The following SIGLEC12 variants were observed in gnomAD, a reference collection of about 807,000 sequenced individuals.
SIGLEC12 encodes sialic acid binding Ig like lectin 12, also known as sialic acid-binding Ig-like lectin 12.
SIGLEC12 carries 43 observed loss-of-function variants against 54.1 expected under a neutral mutation model. The ratio of observed to expected loss-of-function variants is 0.80; its 90% CI spans 0.62 to 1.03. The LOEUF is 1.03. Among genes scored for constraint, SIGLEC12 ranks in the 50% least tolerant of loss-of-function variants. The probability of loss-of-function intolerance (pLI) is 0.00; values close to 1 mark genes in which losing one functional copy is unlikely to be tolerated. For synonymous variants in SIGLEC12, 357 were observed against 307.6 expected (o/e 1.16, Z -1.68); for missense variants, 802 against 735.2 (o/e 1.09, Z -1.05).
Position 51,499,463 on chromosome 19 carries a change from G to T in SIGLEC12, c.1062C>A (p.Thr354=). ...AGGATATGTTGAGTCGGACAGCCCT[G>T]GTCATGGTCACGCCGGCCCCAGGCA... The part of the protein sequence containing the change: ...VTLPGAGVTM[T]RAVRLNISYP... The change falls in exon 3 of 8, where the codon ACC becomes ACA. Residue 354 remains threonine (T), a synonymous_variant. Coordinates refer to ENST00000291707, the MANE Select transcript of SIGLEC12 (RefSeq NM_053003.4). The T allele has an allele frequency of 6.3e-7, 1 of 1,598,650 alleles. No individual in the cohort carries two copies. Among genetic ancestry groups the T allele is most frequent in the Admixed American group, 1.8e-5 (1 of 56,700 alleles).
At chr19:51,493,456 G>A (rs1008078513) in intron 7 of SIGLEC12, among the ~76,000 whole-genome samples, 8 of 152,138 alleles carry the variant, frequency 5.3e-5, no homozygotes, top group African/African-American at 1.9e-4. Flanking sequence ...CCCCTCTGCT[G>A]ACTATAGTCC....
rs770259800 is a variant in SIGLEC12, at chr19:51,497,010, G to A, written c.1503-34C>T. On this transcript the variant is annotated intron_variant, in intron 6 of 7. Coordinates refer to ENST00000291707, the MANE Select transcript of SIGLEC12 (RefSeq NM_053003.4). ...AGAGACCAGAGAGCCTTTCAGTGTG[G>A]TCAGATCGGGGTGCAGTGGGCAGAC... The A allele has an allele frequency of 1.3e-5, 21 of 1,612,230 alleles. No homozygotes were observed. In the Admixed American group the frequency reaches 2.0e-4, roughly 15 times the overall value.
At chr19:51,499,331 A>G (rs1599955567) in intron 3 of SIGLEC12, 107 bp downstream of exon 3, 2 of 1,563,288 alleles carry the variant, frequency 1.3e-6, no homozygotes, top group East Asian at 2.3e-5. Flanking sequence ...CTGACCCCCA[A>G]CTCCCAGCCA....
rs1209817334 is a variant in SIGLEC12, at chr19:51,491,759, G to A, written c.1670C>T (p.Ser557Phe). ...ATACTGGATCTCTCCTTCCTCTGGG[G>A]AGGGGGTGGCCAGGGCTGGCGGAGC... The part of the protein sequence containing the change: ...HHAPPALATP[S>F]PEEGEIQYAS... The change falls in exon 8 of 8, where the codon TCC (serine) becomes TTC (phenylalanine). Residue 557 changes from serine (S) to phenylalanine (F), a missense_variant. Physicochemically the swap from Ser to Phe is radical, Grantham distance 155 (BLOSUM62 -2). Coordinates refer to ENST00000291707, the MANE Select transcript of SIGLEC12 (RefSeq NM_053003.4). The A allele has an allele frequency of 1.2e-6, 2 of 1,612,208 alleles. No homozygotes were observed. Among genetic ancestry groups the A allele is most frequent in the Non-Finnish European group, 8.5e-7 (1 of 1,178,900 alleles).
In SIGLEC12 at chr19:51,501,294, G is replaced by A. The variant is rs780998230; in HGVS notation, c.427+13C>T. The A allele has an allele frequency of 1.2e-6, 2 of 1,613,406 alleles. No homozygotes were observed. Among genetic ancestry groups the A allele is most frequent in the Non-Finnish European group, 1.7e-6 (2 of 1,179,458 alleles). ...ACATTTGCCTTTGGCCTCTCTTGGA[G>A]CCCGTGCCTTACCTGTCACATTCAC... is the stretch of plus-strand genomic sequence containing the variant. On this transcript the variant is annotated intron_variant, in intron 1 of 7. Transcript: ENST00000291707.
chr19:51,497,371 A>G lies in SIGLEC12; in HGVS notation c.1480T>C (p.Tyr494His). 1 of 1,613,156 alleles carries G rather than the reference A, an allele frequency of 6.2e-7. No individual in the cohort carries two copies. Among genetic ancestry groups the G allele is most frequent in the Non-Finnish European group, 8.5e-7 (1 of 1,179,262 alleles). The change falls in exon 6 of 8, where the codon TAC (tyrosine) becomes CAC (histidine). Residue 494 changes from tyrosine to histidine, a missense_variant. Tyr to His is a moderately conservative substitution (Grantham distance 83). Coordinates refer to ENST00000291707, the MANE Select transcript of SIGLEC12 (RefSeq NM_053003.4). ...CACACAACGAAGATGATGCAGAAGT[A>G]CAGGAAGACCAGGGCTGTGGCTCCA... ...GAGATALVFL[Y>H]FCIIFVVVRS... is the part of the protein sequence containing the mutation.
chr19:51,497,330 C>T lies in SIGLEC12; in HGVS notation c.1502+19G>A, dbSNP rs1037171845. The T allele has an allele frequency of 1.9e-6, 3 of 1,606,332 alleles. No individual in the cohort carries two copies. The highest frequency in any genetic ancestry group is 2.2e-5 in the East Asian group (1 of 44,804). On this transcript the variant is annotated intron_variant, in intron 6 of 7. Coordinates refer to ENST00000291707, the MANE Select transcript of SIGLEC12 (RefSeq NM_053003.4). The stretch of plus-strand genomic sequence containing the variant: ...CCTGCCCTCCCCCAAGGCTCTTCCT[C>T]CCCAGGGTCAATGCTCACACAACGA...
intron 7 of SIGLEC12, 109 bp downstream of exon 7, chr19:51,496,771 A>G: frequency 7.8e-7 from 1 of 1,287,764 alleles, no homozygotes. Flanking sequence ...ACAGGACGTG[A>G]TTTTTCGGCT....
In SIGLEC12 at chr19:51,492,389, G is replaced by A. The variant is rs999515956; in HGVS notation, c.1600-560C>T. ...AGAATTACAGGGCCTTGATTCAGAC[G>A]TGGCACCTGCCCTTGAGAAGCTCAC... On this transcript the variant is annotated intron_variant, in intron 7 of 7. Coordinates refer to ENST00000291707, the MANE Select transcript of SIGLEC12 (RefSeq NM_053003.4). Among the ~76,000 whole-genome samples, 18 of 152,322 alleles carry A rather than the reference G, an allele frequency of 1.2e-4. No individual in the cohort carries two copies. The East Asian group carries it at 1.3e-3, about 11-fold the overall frequency.
intron 7 of SIGLEC12, among the ~76,000 whole-genome samples, chr19:51,496,468 A>G (rs1011693902): frequency 3.9e-5 from 6 of 152,328 alleles, no homozygotes; most frequent in Non-Finnish European, 8.8e-5. Flanking sequence ...TCTGTCTCAA[A>G]ATAAATAAAT....
intron 1 of SIGLEC12, 36 bp downstream of exon 1, chr19:51,501,271 A>G: frequency 6.2e-7 from 1 of 1,605,576 alleles, no homozygotes; most frequent in South Asian, 1.1e-5. Context: ...CCCTCATCAC[A>G]TTTGCCTTTG....
intron 7 of SIGLEC12, among the ~76,000 whole-genome samples, chr19:51,495,164 G>T (rs560757371): frequency 1.6e-4 from 24 of 146,998 alleles, no homozygotes; most frequent in African/African-American, 5.5e-4. Context: ...TGGACGGGTG[G>T]GTGGGTGGAT....
intron 7 of SIGLEC12, among the ~76,000 whole-genome samples, chr19:51,496,646 G>T (rs1050358865): frequency 2.0e-5 from 3 of 152,142 alleles, no homozygotes; most frequent in Non-Finnish European, 4.4e-5. Flanking sequence ...GGAAGGGGAG[G>T]CAAGAGGCAG....
intron 7 of SIGLEC12, among the ~76,000 whole-genome samples, chr19:51,492,109 C>T (rs67736111): frequency 1.3e-5 from 2 of 152,076 alleles, no homozygotes; most frequent in South Asian, 2.1e-4. Context: ...AAGTACCCTG[C>T]GCAAACTCCC....
chr19:51,496,858 C>T (rs767952993), intron 7 of SIGLEC12, 22 bp downstream of exon 7: 9 of 1,607,784 alleles, frequency 5.6e-6, no homozygotes, highest in South Asian at 3.3e-5. Context: ...GGGAGAAGGG[C>T]TGTGATTCAA....
At position 51,500,216 on chromosome 19, in the gene SIGLEC12, C is replaced by T. The variant is rs900469820; in HGVS notation, c.512G>A (p.Cys171Tyr). ...GTTGTAATGGGGGTAAAGGACACTGCAGGGCACAGAGACACACAGACCCTC... is the reference window on the plus strand; with the variant it reads ...GTTGTAATGGGGGTAAAGGACACTGTAGGGCACAGAGACACACAGACCCTC... ...VQEGLCVSVPCSVLYPHYNWT... is the reference protein window; with the variant it reads ...VQEGLCVSVPYSVLYPHYNWT... Residue 171 changes from cysteine (C) to tyrosine (Y), a missense_variant, in exon 2 of 8, where the codon TGC becomes TAC. Coordinates refer to ENST00000291707, the MANE Select transcript of SIGLEC12 (RefSeq NM_053003.4). 2 of 1,614,176 alleles carry T rather than the reference C, an allele frequency of 1.2e-6. No individual in the cohort carries two copies. The highest frequency in any genetic ancestry group is 1.7e-5 in the Admixed American group (1 of 60,018).
intron 5 of SIGLEC12, among the ~76,000 whole-genome samples, 176 bp from the exon 6 acceptor site, chr19:51,497,621 G>C (rs1990277449): frequency 6.6e-6 from 1 of 152,214 alleles, no homozygotes; most frequent in Non-Finnish European, 1.5e-5. Context: ...GCTGGGTGCA[G>C]TCTGCCTTTA....
intron 4 of SIGLEC12, 69 bp from the exon 5 acceptor site, chr19:51,498,356 G>C: frequency 1.5e-6 from 2 of 1,378,108 alleles, no homozygotes; most frequent in Non-Finnish European, 2.0e-6. Flanking sequence ...GATACAGAAA[G>C]AGAGTGGTGA....
At position 51,501,743 on chromosome 19, in the gene SIGLEC12, T is replaced by C; in HGVS notation, c.-10A>G. On this transcript the variant is annotated 5_prime_UTR_variant, in exon 1 of 8. Coordinates refer to ENST00000291707, the MANE Select transcript of SIGLEC12 (RefSeq NM_053003.4). ...GCAGCAGCAGTAGCATGTGTCGGGT[T>C]GGAGGTGCCAGGGTTGCTGAGGTAA... The C allele has an allele frequency of 6.3e-7, 1 of 1,592,056 alleles. No individual in the cohort carries two copies. The highest frequency in any genetic ancestry group is 8.6e-7 in the Non-Finnish European group (1 of 1,166,558).
Sources: allele counts gnomAD v4.1 joint callset (sites outside exome capture counted in the v4.1 genomes callset), GRCh38; gene constraint gnomAD v4.1.1; transcripts MANE v1.5; gene names NCBI Gene and HGNC (gene_info 2026-07-23, HGNC 2026-07-21).